ZNF143: variants seen among roughly 807,000 people sequenced by gnomAD.
ZNF143 encodes zinc finger protein 143.
A neutral mutation model predicts 74.1 loss-of-function variants in ZNF143; 49 were observed. That is an observed-to-expected ratio of 0.66 (90% CI 0.53 to 0.84). The LOEUF (loss-of-function observed/expected upper bound fraction) is 0.84. Among genes scored for constraint, ZNF143 ranks in the 40% least tolerant of loss-of-function variants. ZNF143 has a pLI of 0.00. For synonymous variants in ZNF143, 304 were observed against 282.8 expected (o/e 1.07, Z -0.75); for missense variants, 637 against 793.4 (o/e 0.80, Z 2.37).
intron 4 of ZNF143, 98 bp from the exon 5 acceptor site, chr11:9,474,452 G>T (rs1256679641): frequency 1.7e-5 from 20 of 1,194,072 alleles, no homozygotes; most frequent in Non-Finnish European, 2.1e-5. Flanking sequence ...AGTATAGATT[G>T]TTATAATGTG....
intron 10 of ZNF143, among the ~76,000 whole-genome samples, chr11:9,498,631 A>G (rs942974754): frequency 6.6e-6 from 1 of 151,972 alleles, no homozygotes; most frequent in African/African-American, 2.4e-5. Context: ...TTACTTGTGG[A>G]GTTGGTATTA....
chr11:9,491,404 A>G (rs1044368967), intron 7 of ZNF143, among the ~76,000 whole-genome samples: 1 of 151,928 alleles, frequency 6.6e-6, no homozygotes, highest in Non-Finnish European at 1.5e-5. Context: ...TGGGAGGCCG[A>G]GGCAGGCGGA....
chr11:9,500,774 T>A (rs1848129931), intron 10 of ZNF143, among the ~76,000 whole-genome samples: 1 of 152,224 alleles, frequency 6.6e-6, no homozygotes, highest in South Asian at 2.1e-4. Flanking sequence ...TATTCCTGAC[T>A]GTACTTTTCT....
At chr11:9,474,103 C>G in intron 4 of ZNF143, 79 bp downstream of exon 4, 1 of 1,131,530 alleles carries the variant, frequency 8.8e-7, no homozygotes, top group South Asian at 1.2e-5. Flanking sequence ...CTCCCTCTTA[C>G]TACCTAAACT....
chr11:9,525,573 C>T (rs1849096182), intron 15 of ZNF143, 187 bp downstream of exon 15: 1 of 740,204 alleles, frequency 1.4e-6, no homozygotes, highest in Non-Finnish European at 2.3e-6. Context: ...TTGTTCTCTA[C>T]CCATCTTTGC....
chr11:9,486,607 C>T (rs12280032), intron 7 of ZNF143, among the ~76,000 whole-genome samples: 7,143 of 142,416 alleles, frequency 0.05, 269 homozygotes, highest in Non-Finnish European at 0.074. Context: ...ATTTTATCTG[C>T]GAAAGACGTT....
intron 7 of ZNF143, among the ~76,000 whole-genome samples, chr11:9,486,354 AT>A (rs1847478666): frequency 3.5e-5 from 2 of 57,000 alleles, no homozygotes; most frequent in Admixed American, 2.9e-4. Context: ...TATATATATT[AT>A]ATATATATTA....
At position 9,475,236 on chromosome 11, in the gene ZNF143, A is replaced by G. The variant is rs555025680; in HGVS notation, c.373+603A>G. 3.3e-5 allele frequency among the ~76,000 whole-genome samples: 5 copies of G among 152,304 alleles called. No individual in the cohort carries two copies. In the East Asian group the frequency reaches 9.6e-4, roughly 29 times the overall value. Reference sequence around the variant, plus strand: ...TAAATGATTCAGAAATAAAATCACAATGTAACATTGAAATGGTTAACTTCA... The same window carrying G: ...TAAATGATTCAGAAATAAAATCACAGTGTAACATTGAAATGGTTAACTTCA... On this transcript the variant is annotated intron_variant, in intron 5 of 15. Coordinates refer to ENST00000396602, the MANE Select transcript of ZNF143 (RefSeq NM_003442.6).
intron 13 of ZNF143, among the ~76,000 whole-genome samples, chr11:9,513,702 C>T (rs1207877575): frequency 7.9e-5 from 12 of 152,186 alleles, no homozygotes; most frequent in Non-Finnish European, 2.9e-5. Flanking sequence ...TTGAGACCAG[C>T]CTGGCCAATG....
chr11:9,472,547 C>T (rs1766292047), intron 2 of ZNF143, 130 bp from the exon 3 acceptor site: 13 of 777,558 alleles, frequency 1.7e-5, no homozygotes, highest in South Asian at 1.5e-4. Flanking sequence ...CCACTGCACC[C>T]GGCCGCTAAA....
chr11:9,476,640 G>A (rs1236185912), intron 5 of ZNF143, among the ~76,000 whole-genome samples: 2 of 151,086 alleles, frequency 1.3e-5, no homozygotes, highest in East Asian at 1.9e-4. Context: ...CCAAAGTGCT[G>A]GGATTACAGG....
At chr11:9,517,000 A>G (rs1848747383) in intron 14 of ZNF143, among the ~76,000 whole-genome samples, 1 of 152,142 alleles carries the variant, frequency 6.6e-6, no homozygotes, top group Non-Finnish European at 1.5e-5. Flanking sequence ...CTGCAGCCTC[A>G]ACCTCCCAGG....
At chr11:9,485,284 G>T (rs916960748) in intron 7 of ZNF143, among the ~76,000 whole-genome samples, 11 of 149,858 alleles carry the variant, frequency 7.3e-5, no homozygotes, top group African/African-American at 2.7e-4. Flanking sequence ...AAAAGTGAGG[G>T]ATCTACTGCC....
chr11:9,487,330 G>C (rs542351732), intron 7 of ZNF143, among the ~76,000 whole-genome samples: 2 of 151,512 alleles, frequency 1.3e-5, no homozygotes, highest in East Asian at 3.9e-4. Flanking sequence ...TACATGGTGA[G>C]TTTATGGCAG....
intron 12 of ZNF143, among the ~76,000 whole-genome samples, chr11:9,511,186 C>T (rs1441568635): frequency 7.7e-6 from 1 of 129,952 alleles, no homozygotes; most frequent in Admixed American, 7.9e-5. Context: ...TCTCGGCTCA[C>T]CACAAGCCCT....
At chr11:9,511,495 G>A (rs1429374238) in intron 12 of ZNF143, among the ~76,000 whole-genome samples, 1 of 150,778 alleles carries the variant, frequency 6.6e-6, no homozygotes, top group African/African-American at 2.4e-5. Flanking sequence ...AGTAGAAATG[G>A]GTTTCACCGT....
chr11:9,467,441 G>T (rs1435382006), intron 1 of ZNF143, among the ~76,000 whole-genome samples: 4 of 150,682 alleles, frequency 2.7e-5, no homozygotes, highest in Non-Finnish European at 4.4e-5. Flanking sequence ...TTGTCATGTT[G>T]TCCGGGCTGT....
At chr11:9,471,541 A>T in intron 2 of ZNF143, 121 bp downstream of exon 2, 3 of 633,014 alleles carry the variant, frequency 4.7e-6, no homozygotes, top group East Asian at 3.4e-5. Context: ...TCTTTTTATG[A>T]GGTGTTTTGG....
intron 8 of ZNF143, among the ~76,000 whole-genome samples, 176 bp from the exon 9 acceptor site, chr11:9,496,127 A>G (rs563526128): frequency 6.6e-6 from 1 of 152,240 alleles, no homozygotes; most frequent in South Asian, 2.1e-4. Context: ...AATATTTAAC[A>G]TTTAGGTCTA....
Sources: gnomAD v4.1 joint callset for allele counts (sites outside exome capture counted in the v4.1 genomes callset) on GRCh38, gnomAD v4.1.1 for gene constraint, MANE v1.5 for transcripts, NCBI Gene and HGNC (gene_info 2026-07-23, HGNC 2026-07-21) for gene names.